The following UNC5D variants were observed in gnomAD, a reference collection of about 807,000 sequenced individuals.
UNC5D encodes netrin receptor UNC5D.
UNC5D carries 39 observed loss-of-function variants against 105.4 expected under a neutral mutation model. The ratio of observed to expected loss-of-function variants is 0.37; its 90% CI spans 0.29 to 0.48. UNC5D has a LOEUF of 0.48. Among genes scored for constraint, UNC5D ranks in the 20% least tolerant of loss-of-function variants. The pLI is 0.98. For missense variants in UNC5D, 991 were observed against 1,202.4 expected, an observed-to-expected ratio of 0.82 and a Z score of 2.60; for synonymous variants, 452 against 450.4, an observed-to-expected ratio of 1.00 and a Z score of -0.04.
chr8:35,291,902 T>A (rs1252916516), intron 1 of UNC5D, among the ~76,000 whole-genome samples: 1 of 152,238 alleles, frequency 6.6e-6, no homozygotes, highest in Non-Finnish European at 1.5e-5. Flanking sequence ...AAATGTGTAC[T>A]TCTTTGGAAT....
chr8:35,684,157 A>G (rs1586427016), intron 5 of UNC5D, among the ~76,000 whole-genome samples: 1 of 152,176 alleles, frequency 6.6e-6, no homozygotes, highest in Non-Finnish European at 1.5e-5. Flanking sequence ...TATTTGCTGA[A>G]TATCTCAGGT....
intron 1 of UNC5D, among the ~76,000 whole-genome samples, chr8:35,268,055 T>G (rs1310544770): frequency 6.6e-6 from 1 of 152,182 alleles, no homozygotes; most frequent in Non-Finnish European, 1.5e-5. Context: ...AGTGAGTGCA[T>G]TAATTTATGA....
At chr8:35,589,531 C>G (rs188042012) in intron 3 of UNC5D, among the ~76,000 whole-genome samples, 2 of 151,394 alleles carry the variant, frequency 1.3e-5, no homozygotes, top group Admixed American at 1.3e-4. Flanking sequence ...TTAAAGTGTA[C>G]AATTTGGTAG....
chr8:35,760,350 G>C (rs893820666), intron 14 of UNC5D, among the ~76,000 whole-genome samples: 1 of 151,692 alleles, frequency 6.6e-6, no homozygotes, highest in Non-Finnish European at 1.5e-5. Flanking sequence ...GCCAGAACAC[G>C]CCTTTCTTAA....
chr8:35,663,016 A>T (rs1207138811), intron 4 of UNC5D, among the ~76,000 whole-genome samples: 1 of 152,190 alleles, frequency 6.6e-6, no homozygotes, highest in African/African-American at 2.4e-5. Flanking sequence ...CTGAGGTAGA[A>T]CAGTTTCATC....
intron 1 of UNC5D, among the ~76,000 whole-genome samples, chr8:35,482,560 T>C (rs150387612): frequency 1.3e-5 from 2 of 152,294 alleles, no homozygotes; most frequent in East Asian, 3.9e-4. Flanking sequence ...TATATGGATC[T>C]GTGAATTGAA....
At position 35,722,376 on chromosome 8, in the gene UNC5D, C is replaced by T; in HGVS notation, c.1284C>T (p.Asn428=). 4 of 1,613,996 alleles carry T rather than the reference C, an allele frequency of 2.5e-6. No individual in the cohort carries two copies. The highest frequency in any genetic ancestry group is 1.7e-4 in the Middle Eastern group (1 of 5,966). The change falls in exon 9 of 17, where the codon AAC becomes AAT. Residue 428 remains asparagine, a synonymous_variant. Transcript: ENST00000404895. ...SALTGGFQTF[N]FKTVRQGNSL... The stretch of plus-strand genomic sequence containing the variant: ...TGACAGGTGGCTTCCAGACCTTCAA[C>T]TTCAAAACAGTCCGTCAAGGTCAGC...
chr8:35,537,397 G>A (rs1340084216), intron 1 of UNC5D, among the ~76,000 whole-genome samples: 1 of 152,150 alleles, frequency 6.6e-6, no homozygotes, highest in Non-Finnish European at 1.5e-5. Flanking sequence ...AATAAATTTA[G>A]GGCAGGATAC....
chr8:35,750,616 G>C lies in UNC5D; in HGVS notation c.1970G>C (p.Cys657Ser). The stretch of plus-strand genomic sequence containing the variant: ...TCAGTGGAAGATGAATCTACATCCT[G>C]TTACTGCCTTTTGGACCCCTTTGCG... ...VMSVEDESTS[C>S]YCLLDPFACH... Residue 657 changes from cysteine (C) to serine (S), a missense_variant, in exon 13 of 17, where the codon TGT (cysteine) becomes TCT (serine). Physicochemically the swap from Cys to Ser is moderately radical, Grantham distance 112. Around this residue, in one of 3 missense-constraint regions of UNC5D, gnomAD observed 944 missense variants for 1,131.6 expected, o/e 0.83. Transcript: ENST00000404895. The C allele has an allele frequency of 6.2e-7, 1 of 1,614,118 alleles. No individual in the cohort carries two copies. Among genetic ancestry groups the C allele is most frequent in the South Asian group, 1.1e-5 (1 of 91,088 alleles).
chr8:35,350,163 G>A (rs966747145), intron 1 of UNC5D, among the ~76,000 whole-genome samples: 1 of 151,958 alleles, frequency 6.6e-6, no homozygotes, highest in Non-Finnish European at 1.5e-5. Flanking sequence ...GCTTGGACAT[G>A]TGCAACAAAT....
At chr8:35,251,105 C>T (rs928946203) in intron 1 of UNC5D, among the ~76,000 whole-genome samples, 2 of 152,136 alleles carry the variant, frequency 1.3e-5, no homozygotes, top group African/African-American at 4.8e-5. Context: ...CTCTTCCTCC[C>T]TATTAGGCCT....
intron 4 of UNC5D, among the ~76,000 whole-genome samples, chr8:35,674,726 A>G (rs1365130360): frequency 2.0e-5 from 3 of 152,186 alleles, no homozygotes; most frequent in Non-Finnish European, 4.4e-5. Context: ...CGGGAATCCC[A>G]TCTTCACCTC....
rs1169613183 is a variant in UNC5D at position 35,529,533 on chromosome 8, C to T, written c.104-19759C>T. ...CTTAGGATTGACTTGGCGATGCGGGCTCTTTTTTGGTTCCATATGAACTTT... is the reference window on the plus strand; with the variant it reads ...CTTAGGATTGACTTGGCGATGCGGGTTCTTTTTTGGTTCCATATGAACTTT... On this transcript the variant is annotated intron_variant, in intron 1 of 16. Coordinates refer to ENST00000404895, the MANE Select transcript of UNC5D (RefSeq NM_080872.4). 2.6e-4 allele frequency among the ~76,000 whole-genome samples: 34 copies of T among 132,624 alleles called. 1 individual carries two copies. The highest frequency in any genetic ancestry group is 3.1e-5 in the Non-Finnish European group (2 of 63,506). The allele number at this position is 132,624 out of a possible 152,430, so 87.0% of individuals were successfully genotyped here. A position where few individuals can be genotyped will look rare whatever the true frequency, so the allele number is the denominator to read the frequency against.
chr8:35,310,711 CT>C (rs1425617761), intron 1 of UNC5D, among the ~76,000 whole-genome samples: 1 of 152,160 alleles, frequency 6.6e-6, no homozygotes, highest in Non-Finnish European at 1.5e-5. Context: ...GTTTTTCTGT[CT>C]TTTCCTGACC....
chr8:35,288,929 A>G (rs1806826046), intron 1 of UNC5D, among the ~76,000 whole-genome samples: 1 of 152,178 alleles, frequency 6.6e-6, no homozygotes, highest in African/African-American at 2.4e-5. Context: ...GACAGCAGGA[A>G]AGGAAGAAAA....
intron 13 of UNC5D, among the ~76,000 whole-genome samples, chr8:35,757,076 G>C (rs1288803624): frequency 1.3e-5 from 2 of 151,930 alleles, no homozygotes; most frequent in South Asian, 4.2e-4. Context: ...ATTTTGCTTG[G>C]CTATAAATAA....
chr8:35,527,638 G>T (rs1171569376), intron 1 of UNC5D, among the ~76,000 whole-genome samples: 1 of 152,080 alleles, frequency 6.6e-6, no homozygotes, highest in Non-Finnish European at 1.5e-5. Context: ...TGCTTCCTGG[G>T]TTCAAGCGAT....
intron 1 of UNC5D, among the ~76,000 whole-genome samples, chr8:35,287,361 A>C (rs1254359252): frequency 1.3e-5 from 2 of 152,250 alleles, no homozygotes; most frequent in Non-Finnish European, 2.9e-5. Flanking sequence ...AAATACAGAT[A>C]GAGAATTAAG....
intron 4 of UNC5D, among the ~76,000 whole-genome samples, chr8:35,680,436 T>A (rs1825582677): frequency 6.6e-6 from 1 of 152,198 alleles, no homozygotes; most frequent in African/African-American, 2.4e-5. Context: ...TTATTTCATG[T>A]ACTATGTACT....
Sources: allele counts gnomAD v4.1 joint callset (sites outside exome capture counted in the v4.1 genomes callset), GRCh38; gene constraint gnomAD v4.1.1; regional missense constraint gnomAD v4.1.1; transcripts MANE v1.5; gene names NCBI Gene and HGNC (gene_info 2026-07-23, HGNC 2026-07-21).